The following RBBP8 variants were observed in gnomAD, a reference collection of about 807,000 sequenced individuals.
RBBP8 encodes the protein RB binding protein 8, endonuclease, also known as DNA endonuclease RBBP8.
A neutral mutation model predicts 108.3 loss-of-function variants in RBBP8; 88 were observed. The observed-to-expected ratio is 0.81, with a 90% CI of 0.68 to 0.97. RBBP8 has a LOEUF of 0.97. RBBP8 is among the 50% of genes least tolerant of loss of function. The probability of loss-of-function intolerance (pLI) is 0.00; values close to 1 mark genes in which losing one functional copy is unlikely to be tolerated. For synonymous variants in RBBP8, 332 were observed against 348.2 expected (o/e 0.95, Z 0.52); for missense variants, 1,023 against 1,049.0 (o/e 0.98, Z 0.34).
At chr18:22,944,827 G>C (rs1478486103) in intron 2 of RBBP8, among the ~76,000 whole-genome samples, 1 of 152,126 alleles carries the variant, frequency 6.6e-6, no homozygotes, top group Non-Finnish European at 1.5e-5. Flanking sequence ...TCATTACTAT[G>C]GAGGGCAATA....
intron 4 of RBBP8, among the ~76,000 whole-genome samples, chr18:22,966,936 G>T (rs1913656653): frequency 6.6e-6 from 1 of 152,004 alleles, no homozygotes; most frequent in African/African-American, 2.4e-5. Context: ...CATTGGCCAG[G>T]CTGGTCTCTT....
chr18:22,981,279 C>G (rs550313814), intron 6 of RBBP8, among the ~76,000 whole-genome samples: 49 of 152,132 alleles, frequency 3.2e-4, no homozygotes, highest in African/African-American at 1.1e-3. Context: ...CCCAATTTAT[C>G]TCTTAATAGG....
intron 18 of RBBP8, among the ~76,000 whole-genome samples, chr18:23,023,098 A>G (rs974962259): frequency 4.0e-5 from 6 of 150,816 alleles, no homozygotes; most frequent in Non-Finnish European, 7.4e-5. Flanking sequence ...GGGTCTCACT[A>G]TGTTGCTCAG....
chr18:22,993,943 A>T (rs1005118151), intron 12 of RBBP8, 96 bp downstream of exon 12: 50 of 1,358,124 alleles, frequency 3.7e-5, no homozygotes, highest in Non-Finnish European at 5.0e-5. Context: ...TTTTGGAAAA[A>T]AACTTATTTC....
At chr18:22,948,036 T>A (rs1183652146) in intron 3 of RBBP8, among the ~76,000 whole-genome samples, 1 of 152,078 alleles carries the variant, frequency 6.6e-6, no homozygotes, top group East Asian at 1.9e-4. Flanking sequence ...AAAAACCCTT[T>A]GCTATTAACT....
intron 5 of RBBP8, among the ~76,000 whole-genome samples, chr18:22,972,469 A>G (rs1353585062): frequency 7.1e-6 from 1 of 140,706 alleles, no homozygotes; most frequent in Non-Finnish European, 1.5e-5. Context: ...GCTGGAGTGC[A>G]GTGATGCTAT....
intron 18 of RBBP8, among the ~76,000 whole-genome samples, chr18:23,022,643 AAATACAAT>A (rs1275241204): frequency 6.9e-5 from 4 of 57,592 alleles, no homozygotes; most frequent in Admixed American, 1.8e-4. Context: ...AAAATAAATA[AAATACAAT>A]ATAAAATAAA....
intron 17 of RBBP8, 82 bp from the exon 18 acceptor site, chr18:23,022,047 T>G (rs2046353553): frequency 1.4e-5 from 17 of 1,193,120 alleles, no homozygotes; most frequent in Middle Eastern, 1.9e-4. Flanking sequence ...AATGGCTTTT[T>G]TAGCTTCTAG....
chr18:22,991,333 T>A (rs541800113), intron 10 of RBBP8, among the ~76,000 whole-genome samples: 1 of 152,336 alleles, frequency 6.6e-6, no homozygotes, highest in Non-Finnish European at 1.5e-5. Context: ...CAGTCATCCC[T>A]TCGGGGTTTA....
intron 2 of RBBP8, among the ~76,000 whole-genome samples, chr18:22,937,270 C>T (rs1488109915): frequency 6.6e-6 from 1 of 151,256 alleles, no homozygotes; most frequent in Non-Finnish European, 1.5e-5. Context: ...TCCATGTGTA[C>T]TAAATGTGTA....
At chr18:22,941,415 G>A (rs1251453305) in intron 2 of RBBP8, among the ~76,000 whole-genome samples, 6 of 151,988 alleles carry the variant, frequency 3.9e-5, no homozygotes, top group East Asian at 1.9e-4. Context: ...CAAGCAAGCC[G>A]CCCATCTCGG....
At chr18:22,999,836 A>G (rs1485274703) in intron 14 of RBBP8, among the ~76,000 whole-genome samples, 1 of 152,194 alleles carries the variant, frequency 6.6e-6, no homozygotes, top group African/African-American at 2.4e-5. Flanking sequence ...CTCTGTCTTC[A>G]GGTATTTCGC....
At chr18:22,922,184 A>T (rs987737542) in intron 3 of RBBP8, among the ~76,000 whole-genome samples, 1 of 152,212 alleles carries the variant, frequency 6.6e-6, no homozygotes, top group African/African-American at 2.4e-5. Context: ...ACTTGTTTGT[A>T]TAATATGTAA....
chr18:22,999,530 G>A (rs1229689593), intron 14 of RBBP8, among the ~76,000 whole-genome samples: 1 of 152,042 alleles, frequency 6.6e-6, no homozygotes, highest in Non-Finnish European at 1.5e-5. Flanking sequence ...GTGTCACAAA[G>A]ATCTGCACAG....
intron 3 of RBBP8, among the ~76,000 whole-genome samples, chr18:22,918,337 A>G (rs1411761871): frequency 6.6e-6 from 1 of 152,166 alleles, no homozygotes; most frequent in Non-Finnish European, 1.5e-5. Context: ...CAAAACCTCA[A>G]TGGCAGAGCC....
intron 6 of RBBP8, among the ~76,000 whole-genome samples, chr18:22,976,373 AAG>A (rs1914498173): frequency 6.6e-6 from 1 of 152,118 alleles, no homozygotes; most frequent in Non-Finnish European, 1.5e-5. Context: ...CTGTATAATG[AAG>A]AGAGAACACA....
At chr18:22,960,049 G>T (rs1455502109) in intron 4 of RBBP8, among the ~76,000 whole-genome samples, 1 of 151,230 alleles carries the variant, frequency 6.6e-6, no homozygotes, top group Middle Eastern at 3.2e-3. Context: ...CCGCCACCAC[G>T]CCCAACTAAC....
chr18:22,959,137 A>G (rs1912848012), intron 4 of RBBP8, among the ~76,000 whole-genome samples: 1 of 152,192 alleles, frequency 6.6e-6, no homozygotes, highest in South Asian at 2.1e-4. Flanking sequence ...CTTACCCTCA[A>G]GTAACTGCTG....
chr18:22,939,976 G>C (rs1910928468), intron 2 of RBBP8, among the ~76,000 whole-genome samples: 1 of 152,084 alleles, frequency 6.6e-6, no homozygotes, highest in South Asian at 2.1e-4. Context: ...GCAGATAAGA[G>C]CTTGATTTTA....
Sources: allele counts gnomAD v4.1 joint callset (sites outside exome capture counted in the v4.1 genomes callset), GRCh38; gene constraint gnomAD v4.1.1; transcripts MANE v1.5; gene names NCBI Gene and HGNC (gene_info 2026-07-23, HGNC 2026-07-21).